Variants in PPFIA1 observed in about 807,000 individuals in gnomAD.
The protein encoded by PPFIA1 is PPFI scaffold protein A1.
PPFIA1 carries 25 observed loss-of-function variants against 149.9 expected under a neutral mutation model. The observed-to-expected ratio is 0.17, with a 90% CI of 0.12 to 0.23. PPFIA1 has a LOEUF of 0.23. Among genes scored for constraint, PPFIA1 ranks in the 10% least tolerant of loss-of-function variants. The pLI is 1.00. For synonymous variants in PPFIA1, 549 were observed against 552.8 expected (o/e 0.99, Z 0.10); for missense variants, 1,362 against 1,506.5 (o/e 0.90, Z 1.59).
chr11:70,284,324 T>C (rs1010318698), intron 2 of PPFIA1, among the ~76,000 whole-genome samples: 1 of 152,214 alleles, frequency 6.6e-6, no homozygotes, highest in Non-Finnish European at 1.5e-5. Context: ...GTTGAATATA[T>C]CCTTTCAGAA....
intron 17 of PPFIA1, among the ~76,000 whole-genome samples, chr11:70,355,379 T>C (rs940749142): frequency 6.6e-5 from 10 of 152,214 alleles, no homozygotes; most frequent in East Asian, 1.9e-4. Context: ...AGGCAGACCA[T>C]TGGGCTTTGG....
chr11:70,309,633 TA>T (rs879503130), intron 2 of PPFIA1, among the ~76,000 whole-genome samples: 199 of 139,226 alleles, frequency 1.4e-3, no homozygotes, highest in Middle Eastern at 3.7e-3. Flanking sequence ...CAGTTTTGCC[TA>T]AAAAAAAAAA....
intron 23 of PPFIA1, 94 bp downstream of exon 23, chr11:70,372,668 G>C (rs867481133): frequency 2.9e-6 from 3 of 1,046,440 alleles, no homozygotes; most frequent in Middle Eastern, 6.1e-4. Context: ...AATCAAGAAA[G>C]GCTAAATTTA....
intron 1 of PPFIA1, chr11:70,271,240 G>C (rs2135954705): frequency 6.6e-6 from 1 of 152,420 alleles, no homozygotes; most frequent in South Asian, 2.1e-4. Context: ...TCACCCCCCG[G>C]GGTTCGGGGC....
intron 2 of PPFIA1, among the ~76,000 whole-genome samples, chr11:70,285,851 C>T (rs577221318): frequency 1.6e-4 from 24 of 152,170 alleles, no homozygotes; most frequent in African/African-American, 5.1e-4. Flanking sequence ...CTGTATGTGG[C>T]ATGCACCGTT....
intron 23 of PPFIA1, chr11:70,373,867 A>G (rs1475934914): frequency 2.6e-5 from 4 of 152,216 alleles, no homozygotes; most frequent in African/African-American, 7.2e-5. Flanking sequence ...ACATTTATAC[A>G]GTGTGTGTAT....
chr11:70,336,870 A>G (rs2055010691), intron 11 of PPFIA1, among the ~76,000 whole-genome samples: 1 of 152,194 alleles, frequency 6.6e-6, no homozygotes, highest in Non-Finnish European at 1.5e-5. Flanking sequence ...CTGAGAGACT[A>G]ATGATTCCCG....
intron 2 of PPFIA1, among the ~76,000 whole-genome samples, chr11:70,308,022 A>G (rs1177067530): frequency 6.6e-6 from 1 of 152,174 alleles, no homozygotes; most frequent in African/African-American, 2.4e-5. Context: ...ATTTAGAAAT[A>G]TGGGTTATAC....
chr11:70,275,835 A>G (rs1295180962), intron 2 of PPFIA1, among the ~76,000 whole-genome samples: 1 of 152,148 alleles, frequency 6.6e-6, no homozygotes, highest in Admixed American at 6.6e-5. Context: ...GTAATTTAAG[A>G]AAAGGGTACT....
intron 18 of PPFIA1, 102 bp downstream of exon 18, chr11:70,355,913 C>T: frequency 7.0e-7 from 1 of 1,424,642 alleles, no homozygotes; most frequent in East Asian, 2.3e-5. Context: ...GAGCCGTGTG[C>T]TCTCCAGGGA....
chr11:70,323,922 C>T (rs1471165065), intron 2 of PPFIA1, among the ~76,000 whole-genome samples: 4 of 152,148 alleles, frequency 2.6e-5, no homozygotes, highest in Non-Finnish European at 4.4e-5. Flanking sequence ...ATGGTCACAC[C>T]ATTGCACTCT....
intron 17 of PPFIA1, among the ~76,000 whole-genome samples, chr11:70,355,271 A>G (rs1321806920): frequency 6.6e-6 from 1 of 152,088 alleles, no homozygotes; most frequent in Non-Finnish European, 1.5e-5. Flanking sequence ...CATGTATATT[A>G]ATTTTTGCAG....
intron 2 of PPFIA1, among the ~76,000 whole-genome samples, chr11:70,318,570 C>T (rs1213219217): frequency 6.6e-6 from 1 of 152,246 alleles, no homozygotes; most frequent in African/African-American, 2.4e-5. Flanking sequence ...CCAGCCACTG[C>T]ACTGTTTTTC....
intron 2 of PPFIA1, among the ~76,000 whole-genome samples, chr11:70,296,006 G>T (rs1249134381): frequency 6.6e-6 from 1 of 151,414 alleles, no homozygotes; most frequent in African/African-American, 2.4e-5. Flanking sequence ...CCCAGACGGG[G>T]TCGCGACCGG....
chr11:70,347,755 C>G (rs7943976), intron 15 of PPFIA1, among the ~76,000 whole-genome samples: 27,014 of 151,872 alleles, frequency 0.18, 3,154 homozygotes, highest in African/African-American at 0.32. Flanking sequence ...TGTAATCCCA[C>G]TACTTTGGGA....
intron 2 of PPFIA1, among the ~76,000 whole-genome samples, chr11:70,301,983 T>A (rs1017825710): frequency 4.0e-5 from 6 of 151,284 alleles, no homozygotes; most frequent in Non-Finnish European, 8.9e-5. Flanking sequence ...TGGCTTGGGG[T>A]TTTAACAGTG....
At chr11:70,348,082 C>T in intron 15 of PPFIA1, 107 bp from the exon 16 acceptor site, 1 of 836,574 alleles carries the variant, frequency 1.2e-6, no homozygotes, top group South Asian at 1.6e-5. Context: ...CAGCTTATTA[C>T]TGGAGTTTAC....
rs528219023 is a variant in PPFIA1, at chr11:70,359,471, T to G, written c.2583-2624T>G. Among the ~76,000 whole-genome samples, 4 of 152,248 alleles carry G rather than the reference T, an allele frequency of 2.6e-5. No individual in the cohort carries two copies. The South Asian group carries it at 6.2e-4, about 24-fold the overall frequency. ...CAGAACTGTACTTGTGGTGGTGGTG[T>G]TTTTTTATGGGTTTTGGAGAGGGTC... On this transcript the variant is annotated intron_variant, in intron 19 of 27. Coordinates refer to ENST00000253925, the MANE Select transcript of PPFIA1 (RefSeq NM_003626.5).
At chr11:70,344,472 T>C (rs1435994536) in intron 15 of PPFIA1, among the ~76,000 whole-genome samples, 2 of 152,222 alleles carry the variant, frequency 1.3e-5, no homozygotes, top group Non-Finnish European at 2.9e-5. Flanking sequence ...GAAGGGTTGC[T>C]TATCAACCCT....
Sources: allele counts gnomAD v4.1 joint callset (sites outside exome capture counted in the v4.1 genomes callset), GRCh38; gene constraint gnomAD v4.1.1; transcripts MANE v1.5; gene names NCBI Gene and HGNC (gene_info 2026-07-23, HGNC 2026-07-21).